PCDH15: variants seen among roughly 807,000 people sequenced by gnomAD.
PCDH15 encodes the protein protocadherin related 15.
PCDH15 carries 129 observed loss-of-function variants against 178.5 expected under a neutral mutation model. The ratio of observed to expected loss-of-function variants is 0.72; its 90% CI spans 0.63 to 0.84. The LOEUF (loss-of-function observed/expected upper bound fraction) is 0.84, where lower values mean the gene tolerates loss of function less well. Ranked by LOEUF, PCDH15 falls within the 40% of genes least tolerant of loss-of-function variation. The pLI, the probability that PCDH15 is intolerant of heterozygous loss-of-function variation, is 0.00. For missense variants in PCDH15, 2,230 were observed against 2,099.9 expected, an observed-to-expected ratio of 1.06 and a Z score of -1.21; for synonymous variants, 800 against 732.0, an observed-to-expected ratio of 1.09 and a Z score of -1.50.
intron 1 of PCDH15, among the ~76,000 whole-genome samples, chr10:54,794,126 GATAT>G (rs532827234): frequency 1.4e-5 from 2 of 143,860 alleles, no homozygotes; most frequent in African/African-American, 5.1e-5. Flanking sequence ...ATATATATAA[GATAT>G]ATATATATCT....
intron 2 of PCDH15, among the ~76,000 whole-genome samples, chr10:55,448,082 G>A (rs954693192): frequency 6.6e-6 from 1 of 151,732 alleles, no homozygotes; most frequent in African/African-American, 2.4e-5. Context: ...TCTAAATCTG[G>A]ATACATATTA....
intron 3 of PCDH15, among the ~76,000 whole-genome samples, chr10:54,462,412 A>G (rs927949196): frequency 4.6e-5 from 7 of 151,614 alleles, no homozygotes; most frequent in African/African-American, 1.7e-4. Context: ...CCATCTGAAT[A>G]CAAGTCATTT....
intron 2 of PCDH15, among the ~76,000 whole-genome samples, chr10:55,123,535 A>C (rs1837824343): frequency 6.6e-6 from 1 of 152,158 alleles, no homozygotes; most frequent in African/African-American, 2.4e-5. Context: ...CTCATGGATG[A>C]TTTTTAACCC....
intron 21 of PCDH15, among the ~76,000 whole-genome samples, chr10:53,978,674 TC>T (rs1212732530): frequency 9.9e-4 from 139 of 139,774 alleles, no homozygotes; most frequent in African/African-American, 2.6e-3. Context: ...TTTTTTTTTT[TC>T]TACTGCATCA....
At chr10:54,773,775 TTTTA>T (rs1485542598) in intron 1 of PCDH15, among the ~76,000 whole-genome samples, 3 of 152,166 alleles carry the variant, frequency 2.0e-5, no homozygotes, top group Non-Finnish European at 2.9e-5. Context: ...TTCTAGCTGT[TTTTA>T]TTTTTCTCAC....
chr10:54,083,428 T>C (rs767091918), intron 16 of PCDH15, among the ~76,000 whole-genome samples: 1 of 152,190 alleles, frequency 6.6e-6, no homozygotes, highest in Non-Finnish European at 1.5e-5. Context: ...ATGCATGTAA[T>C]GGAATATTAC....
chr10:53,822,913 G>T (rs1554820648), intron 32 of PCDH15: 1 of 1,613,952 alleles, frequency 6.2e-7, no homozygotes, highest in Non-Finnish European at 8.5e-7. Flanking sequence ...TCAGCTTTCT[G>T]CCTGGTGCCT....
At chr10:53,991,983 CGTT>C (rs2091526163) in intron 21 of PCDH15, among the ~76,000 whole-genome samples, 1 of 152,036 alleles carries the variant, frequency 6.6e-6, no homozygotes, top group Admixed American at 6.6e-5. Flanking sequence ...CCTGTGGAAG[CGTT>C]GTTCTTTTGC....
At chr10:55,199,663 C>G (rs779444171) in intron 1 of PCDH15, among the ~76,000 whole-genome samples, 4 of 152,058 alleles carry the variant, frequency 2.6e-5, no homozygotes, top group African/African-American at 4.8e-5. Context: ...GCAGCCCCTC[C>G]CATCACAGAC....
intron 3 of PCDH15, among the ~76,000 whole-genome samples, chr10:54,442,566 A>C (rs1031909810): frequency 6.8e-6 from 1 of 147,924 alleles, no homozygotes; most frequent in Non-Finnish European, 1.5e-5. Flanking sequence ...TTATGCATAA[A>C]TTCCTATAGT....
chr10:54,153,923 G>A (rs1233948307), intron 13 of PCDH15, among the ~76,000 whole-genome samples: 1 of 152,146 alleles, frequency 6.6e-6, no homozygotes, highest in Non-Finnish European at 1.5e-5. Flanking sequence ...TCCCATTGTA[G>A]AATATCAAGG....
intron 1 of PCDH15, among the ~76,000 whole-genome samples, chr10:54,752,520 ACAAAC>A (rs1566128556): frequency 9.9e-5 from 8 of 81,122 alleles, no homozygotes; most frequent in Non-Finnish European, 9.1e-5. Context: ...AAACAAACAA[ACAAAC>A]AAACAAAAAA....
Position 54,219,412 on chromosome 10 carries a change from C to A in PCDH15, c.986-5364G>T, listed in dbSNP as rs867796312. On this transcript the variant is annotated intron_variant, in intron 9 of 37. Coordinates refer to ENST00000644397, the MANE Select transcript of PCDH15 (RefSeq NM_001384140.1). ...GAGACCATCCTGGCTAACACGGTGACACCCCATCTCTACTAAAAATACAAA... is the reference window on the plus strand; with the variant it reads ...GAGACCATCCTGGCTAACACGGTGAAACCCCATCTCTACTAAAAATACAAA... Among the ~76,000 whole-genome samples, 1,440 of 149,664 alleles carry A rather than the reference C, an allele frequency of 9.6e-3. 20 individuals are homozygous for A. Among genetic ancestry groups the A allele is most frequent in the African/African-American group, 0.03 (1,241 of 40,772 alleles).
chr10:54,232,510 T>G (rs190004208), intron 9 of PCDH15, among the ~76,000 whole-genome samples: 1 of 152,356 alleles, frequency 6.6e-6, no homozygotes. Context: ...AAGCATCTGA[T>G]CCAGAATTCT....
At chr10:54,813,096 C>T (rs1952892047) in intron 3 of PCDH15, among the ~76,000 whole-genome samples, 1 of 152,202 alleles carries the variant, frequency 6.6e-6, no homozygotes, top group South Asian at 2.1e-4. Flanking sequence ...GATTGCCGAA[C>T]ACCATGCTCT....
At chr10:55,491,406 T>C (rs187943428) in intron 2 of PCDH15, among the ~76,000 whole-genome samples, 74 of 151,828 alleles carry the variant, frequency 4.9e-4, no homozygotes, top group Non-Finnish European at 1.9e-4. Flanking sequence ...GCTGAGAATA[T>C]TGTGGCTCCT....
chr10:54,750,626 T>G (rs1357642527), intron 1 of PCDH15, among the ~76,000 whole-genome samples: 1 of 152,262 alleles, frequency 6.6e-6, no homozygotes, highest in East Asian at 1.9e-4. Context: ...AATTATCAAC[T>G]AAGTTTATTT....
At position 55,307,318 on chromosome 10, in the gene PCDH15, C is replaced by T. The variant is rs566103305; in HGVS notation, c.-156+12281G>A. 1.2e-4 allele frequency among the ~76,000 whole-genome samples: 18 copies of T among 151,768 alleles called. No homozygotes were observed. In the South Asian group the frequency reaches 3.1e-3, roughly 26 times the overall value. ...GAAATCCAGACCATCCTGGCTAACA[C>T]GTGAAACCCTGTCTCCACTAAAAAT... On this transcript the variant is annotated intron_variant, in intron 1 of 5. Transcript: ENST00000458638.
At chr10:54,202,403 T>G (rs540921373) in intron 10 of PCDH15, among the ~76,000 whole-genome samples, 6 of 151,840 alleles carry the variant, frequency 4.0e-5, no homozygotes, top group Non-Finnish European at 8.8e-5. Flanking sequence ...ACAAATGGCA[T>G]TCTCCTTTCA....
Sources: gnomAD v4.1 joint callset for allele counts (sites outside exome capture counted in the v4.1 genomes callset) on GRCh38, gnomAD v4.1.1 for gene constraint, MANE v1.5 for transcripts, NCBI Gene and HGNC (gene_info 2026-07-23, HGNC 2026-07-21) for gene names.